Variants in SKIL observed in about 807,000 individuals in gnomAD.
The protein encoded by SKIL is ski-like protein.
SKIL carries 20 observed loss-of-function variants against 69.6 expected under a neutral mutation model. The ratio of observed to expected loss-of-function variants is 0.29; its 90% CI spans 0.20 to 0.42. The LOEUF (loss-of-function observed/expected upper bound fraction) is 0.42, where lower values mean the gene tolerates loss of function less well. Ranked by LOEUF, SKIL falls within the 10% of genes least tolerant of loss-of-function variation. The pLI, the probability that SKIL is intolerant of heterozygous loss-of-function variation, is 1.00. For synonymous variants in SKIL, 310 were observed against 279.9 expected (o/e 1.11, Z -1.08); for missense variants, 745 against 783.1 (o/e 0.95, Z 0.58).
chr3:170,369,408 AT>A (rs796483906), intron 2 of SKIL, among the ~76,000 whole-genome samples: 57 of 149,970 alleles, frequency 3.8e-4, no homozygotes, highest in African/African-American at 1.3e-3. Flanking sequence ...AATTGGGCTA[AT>A]TTTTTTTTTG....
intron 4 of SKIL, among the ~76,000 whole-genome samples, chr3:170,388,929 G>A (rs1274281603): frequency 6.6e-6 from 1 of 151,594 alleles, no homozygotes; most frequent in African/African-American, 2.4e-5. Flanking sequence ...GAGTACAGTG[G>A]TGCCATCTCA....
chr3:170,366,696 G>GACACACAGACACAC (rs57637265), intron 2 of SKIL, among the ~76,000 whole-genome samples: 12,551 of 147,552 alleles, frequency 0.085, 554 homozygotes, highest in South Asian at 0.11. Context: ...CACACACACA[G>GACACACAGACACAC]ACACACACAC....
At chr3:170,369,241 A>T (rs1736681610) in intron 2 of SKIL, among the ~76,000 whole-genome samples, 1 of 151,996 alleles carries the variant, frequency 6.6e-6, no homozygotes, top group Non-Finnish European at 1.5e-5. Flanking sequence ...TTTGTTTGAG[A>T]AATGGGAAAA....
intron 1 of SKIL, among the ~76,000 whole-genome samples, chr3:170,358,104 C>T (rs1736026247): frequency 6.6e-6 from 1 of 152,172 alleles, no homozygotes. Context: ...TCCAGCAGCG[C>T]TCCGCGGGGA....
chr3:170,385,955 G>A (rs187644144), intron 4 of SKIL, among the ~76,000 whole-genome samples: 2 of 151,624 alleles, frequency 1.3e-5, no homozygotes, highest in East Asian at 1.9e-4. Context: ...ACCACACCCC[G>A]CTAATTTTGT....
At chr3:170,363,990 G>A (rs893467674) in intron 2 of SKIL, among the ~76,000 whole-genome samples, 3 of 151,852 alleles carry the variant, frequency 2.0e-5, no homozygotes, top group Non-Finnish European at 4.4e-5. Context: ...TTGCTCTGTC[G>A]CCGAGGCTGG....
In SKIL at chr3:170,360,410, C is replaced by T. The variant is rs752483221; in HGVS notation, c.79C>T (p.Pro27Ser). ...KLNGMGDDGSPPAKKMITDIH... is the reference protein window; with the variant it reads ...KLNGMGDDGSSPAKKMITDIH... Reference sequence around the variant, plus strand: ...GAATGGGATGGGAGATGATGGCAGCCCCCCAGCGAAAAAAATGATAACGGA... The same window carrying T: ...GAATGGGATGGGAGATGATGGCAGCTCCCCAGCGAAAAAAATGATAACGGA... Residue 27 changes from proline (P) to serine (S), a missense_variant, in exon 2 of 7, where the codon CCC becomes TCC. Physicochemically the swap from Pro to Ser is moderately conservative, Grantham distance 74. Coordinates refer to ENST00000259119, the MANE Select transcript of SKIL (RefSeq NM_005414.5). 1.2e-6 allele frequency: 2 copies of T among 1,612,034 alleles called. No individual in the cohort carries two copies. Among genetic ancestry groups the T allele is most frequent in the East Asian group, 2.2e-5 (1 of 44,884 alleles).
At chr3:170,361,838 G>A (rs1188527653) in intron 2 of SKIL, among the ~76,000 whole-genome samples, 1 of 151,648 alleles carries the variant, frequency 6.6e-6, no homozygotes, top group Non-Finnish European at 1.5e-5. Flanking sequence ...GCCCACCTTG[G>A]CCTCCCAAAG....
intron 5 of SKIL, 147 bp downstream of exon 5, chr3:170,390,611 C>G (rs557114734): frequency 1.5e-6 from 1 of 652,322 alleles, no homozygotes; most frequent in Non-Finnish European, 2.7e-6. Flanking sequence ...CTTAGCCTTC[C>G]GAGTAGCTAG....
chr3:170,387,889 C>G (rs1204608786), intron 4 of SKIL, among the ~76,000 whole-genome samples: 8 of 137,730 alleles, frequency 5.8e-5, no homozygotes, highest in African/African-American at 8.0e-5. Context: ...AGCCGAGATC[C>G]CGCCACTGCA....
Position 170,361,400 on chromosome 3 carries a change from A to T in SKIL, c.1069A>T (p.Met357Leu), listed in dbSNP as rs767601885. 6.3e-7 allele frequency: 1 copy of T among 1,591,044 alleles called. No homozygotes were observed. The highest frequency in any genetic ancestry group is 1.2e-5 in the South Asian group (1 of 86,654). Residue 357 changes from methionine (M) to leucine (L), a missense_variant, in exon 2 of 7, where the codon ATG becomes TTG. By Grantham distance (15) the Met-to-Leu change is conservative. Transcript: ENST00000259119. ...AGAAGAAATGAAGGAGAAGTTTAGC[A>T]TGAGAAGTGGAAAGAGAAATCAATC... ...ILEEMKEKFS[M>L]RSGKRNQSKT...
intron 6 of SKIL, 64 bp downstream of exon 6, chr3:170,391,324 C>CA: frequency 1.4e-6 from 1 of 740,204 alleles, no homozygotes; most frequent in Non-Finnish European, 2.1e-6. Flanking sequence ...TTACTTCTCT[C>CA]TTTTTTTTTT....
intron 2 of SKIL, among the ~76,000 whole-genome samples, chr3:170,362,834 A>ACC (rs1736314745): frequency 6.7e-6 from 1 of 148,374 alleles, no homozygotes; most frequent in South Asian, 2.1e-4. Flanking sequence ...AAACACAACC[A>ACC]CCTATCAGCC....
At chr3:170,357,968 T>G (rs1445960480) in intron 1 of SKIL, 3 of 151,620 alleles carry the variant, frequency 2.0e-5, no homozygotes, top group African/African-American at 7.3e-5. Flanking sequence ...GCTAGGCGGG[T>G]GTTCCACGGC....
At chr3:170,381,623 G>T (rs1396048846) in intron 3 of SKIL, among the ~76,000 whole-genome samples, 2 of 151,438 alleles carry the variant, frequency 1.3e-5, no homozygotes, top group African/African-American at 2.4e-5. Flanking sequence ...AGTATAGATG[G>T]GGTTTCACAG....
At chr3:170,370,831 A>T (rs545601423) in intron 2 of SKIL, among the ~76,000 whole-genome samples, 33 of 152,114 alleles carry the variant, frequency 2.2e-4, no homozygotes, top group Non-Finnish European at 1.5e-5. Context: ...TGTAGTCCCA[A>T]CTACTTGTGG....
chr3:170,385,886 C>G (rs1242087278), intron 4 of SKIL, among the ~76,000 whole-genome samples: 3 of 151,516 alleles, frequency 2.0e-5, no homozygotes, highest in African/African-American at 7.3e-5. Flanking sequence ...ACCGCAACCT[C>G]CACCTCCCAG....
chr3:170,358,627 C>T (rs1455219547), intron 1 of SKIL: 3 of 152,318 alleles, frequency 2.0e-5, no homozygotes, highest in African/African-American at 4.8e-5. Context: ...GGTCCTTAAT[C>T]CTTTGGGTCT....
intron 2 of SKIL, among the ~76,000 whole-genome samples, chr3:170,365,711 A>G (rs1037853025): frequency 1.3e-5 from 2 of 150,386 alleles, no homozygotes; most frequent in Non-Finnish European, 2.9e-5. Flanking sequence ...AAACAAGCCA[A>G]ATTGACCCAG....
Sources: allele counts gnomAD v4.1 joint callset (sites outside exome capture counted in the v4.1 genomes callset), GRCh38; gene constraint gnomAD v4.1.1; transcripts MANE v1.5; gene names NCBI Gene and HGNC (gene_info 2026-07-23, HGNC 2026-07-21).